The following DCC variants were observed in gnomAD, a reference collection of about 807,000 sequenced individuals.
DCC encodes the protein netrin receptor DCC.
DCC carries 58 observed loss-of-function variants against 172.5 expected under a neutral mutation model. That is an observed-to-expected ratio of 0.34 (90% CI 0.27 to 0.42). The LOEUF (loss-of-function observed/expected upper bound fraction) is 0.42. DCC is among the 10% of genes least tolerant of loss of function. The probability of loss-of-function intolerance (pLI) is 1.00; values close to 1 mark genes in which losing one functional copy is unlikely to be tolerated. For missense variants in DCC, 1,740 were observed against 1,791.0 expected, an observed-to-expected ratio of 0.97 and a Z score of 0.51; for synonymous variants, 709 against 644.5, an observed-to-expected ratio of 1.10 and a Z score of -1.52.
At chr18:53,339,356 T>G (rs2057628832) in intron 14 of DCC, among the ~76,000 whole-genome samples, 1 of 152,176 alleles carries the variant, frequency 6.6e-6, no homozygotes, top group African/African-American at 2.4e-5. Flanking sequence ...GACATTTTAT[T>G]TTCCAGTCTA....
chr18:53,283,377 C>T (rs1200982235), intron 12 of DCC, among the ~76,000 whole-genome samples: 2 of 151,998 alleles, frequency 1.3e-5, no homozygotes, highest in South Asian at 2.1e-4. Flanking sequence ...TTCTTCCTTC[C>T]CCTATTTCTC....
intron 2 of DCC, among the ~76,000 whole-genome samples, chr18:52,852,256 C>T (rs1446266914): frequency 1.3e-5 from 2 of 152,052 alleles, no homozygotes; most frequent in Admixed American, 6.5e-5. Context: ...TCAATATACT[C>T]TCTAGCTATC....
intron 1 of DCC, among the ~76,000 whole-genome samples, chr18:52,644,438 G>T (rs989602985): frequency 1.1e-4 from 16 of 152,084 alleles, no homozygotes; most frequent in Non-Finnish European, 2.4e-4. Context: ...CATTAGCTGG[G>T]CCTGGTGGCA....
chr18:52,940,038 T>G (rs2040436322), intron 5 of DCC, among the ~76,000 whole-genome samples: 1 of 152,202 alleles, frequency 6.6e-6, no homozygotes, highest in Non-Finnish European at 1.5e-5. Flanking sequence ...CACCTCAGCC[T>G]GCTGAAACAG....
At chr18:53,169,577 A>G (rs1229277481) in intron 8 of DCC, among the ~76,000 whole-genome samples, 1 of 152,146 alleles carries the variant, frequency 6.6e-6, no homozygotes, top group African/African-American at 2.4e-5. Flanking sequence ...AATGAAGTGG[A>G]GAAGATTTGT....
chr18:52,897,458 A>G (rs2039747765), intron 2 of DCC, among the ~76,000 whole-genome samples: 1 of 152,252 alleles, frequency 6.6e-6, no homozygotes. Context: ...TCAAACATTT[A>G]GAGTCACATA....
intron 1 of DCC, among the ~76,000 whole-genome samples, chr18:52,599,059 A>G (rs956444112): frequency 2.6e-5 from 4 of 152,202 alleles, no homozygotes; most frequent in African/African-American, 9.6e-5. Context: ...ATTAAGTTAC[A>G]ACATAAATTT....
chr18:53,078,779 C>T (rs1437413573), intron 7 of DCC, among the ~76,000 whole-genome samples: 1 of 152,070 alleles, frequency 6.6e-6, no homozygotes, highest in African/African-American at 2.4e-5. Context: ...TTCCCTGAAA[C>T]ATTGACAAAA....
intron 12 of DCC, among the ~76,000 whole-genome samples, chr18:53,218,502 C>T (rs562457504): frequency 6.6e-6 from 1 of 152,058 alleles, no homozygotes; most frequent in Non-Finnish European, 1.5e-5. Context: ...CTGTATCATT[C>T]TTGAAAACCC....
chr18:52,354,504 T>A (rs1456295770), intron 1 of DCC, among the ~76,000 whole-genome samples: 2 of 152,208 alleles, frequency 1.3e-5, no homozygotes, highest in African/African-American at 4.8e-5. Context: ...AAGGTTTTTT[T>A]AACCAACTCC....
At chr18:53,434,144 C>G (rs1342319352) in intron 21 of DCC, among the ~76,000 whole-genome samples, 1 of 152,104 alleles carries the variant, frequency 6.6e-6, no homozygotes, top group Non-Finnish European at 1.5e-5. Context: ...ACTGAAATCT[C>G]TAAATGTGAG....
intron 15 of DCC, among the ~76,000 whole-genome samples, chr18:53,345,453 C>A (rs931648846): frequency 3.9e-5 from 6 of 152,066 alleles, no homozygotes; most frequent in Non-Finnish European, 7.4e-5. Context: ...CATTGAAAAT[C>A]CCATTAGACA....
At chr18:52,346,595 G>A (rs914094295) in intron 1 of DCC, among the ~76,000 whole-genome samples, 1 of 152,108 alleles carries the variant, frequency 6.6e-6, no homozygotes. Context: ...GATTGAATAT[G>A]CCTTCTTTTT....
chr18:52,636,055 C>T (rs1328011961), intron 1 of DCC, among the ~76,000 whole-genome samples: 1 of 152,202 alleles, frequency 6.6e-6, no homozygotes, highest in African/African-American at 2.4e-5. Context: ...GGAGACCCTC[C>T]TCTCCTGAAC....
At chr18:52,368,871 C>T (rs1164110353) in intron 1 of DCC, among the ~76,000 whole-genome samples, 3 of 152,094 alleles carry the variant, frequency 2.0e-5, no homozygotes. Context: ...CAAGGGAGGG[C>T]TGAGCATCAA....
At chr18:52,806,310 A>G (rs1328349763) in intron 2 of DCC, among the ~76,000 whole-genome samples, 4 of 152,206 alleles carry the variant, frequency 2.6e-5, no homozygotes, top group Admixed American at 6.5e-5. Context: ...GTTAAAATAG[A>G]TGAACTTACA....
At chr18:53,089,408 T>C (rs527835763) in intron 7 of DCC, among the ~76,000 whole-genome samples, 2 of 152,080 alleles carry the variant, frequency 1.3e-5, no homozygotes, top group East Asian at 3.9e-4. Flanking sequence ...TTTTAAGTAA[T>C]TTTTTCCTCT....
At chr18:53,402,647 G>A in intron 18 of DCC, 139 bp from the exon 19 acceptor site, 4 of 738,162 alleles carry the variant, frequency 5.4e-6, no homozygotes, top group Non-Finnish European at 1.0e-5. Context: ...TCAAATCCTT[G>A]AAATAAACTG....
At chr18:53,370,206 C>T (rs1011034362) in intron 15 of DCC, among the ~76,000 whole-genome samples, 14 of 151,632 alleles carry the variant, frequency 9.2e-5, no homozygotes, top group African/African-American at 3.4e-4. Flanking sequence ...GGAATGTGTC[C>T]ATTTTATCTT....
Sources: gnomAD v4.1 joint callset for allele counts (sites outside exome capture counted in the v4.1 genomes callset) on GRCh38, gnomAD v4.1.1 for gene constraint, MANE v1.5 for transcripts, NCBI Gene and HGNC (gene_info 2026-07-23, HGNC 2026-07-21) for gene names.